ARB2A: variants seen among roughly 807,000 people sequenced by gnomAD.
ARB2A encodes cotranscriptional regulator ARB2A.
chr5:94,060,061 T>TA, the ARB2A span, among the ~76,000 whole-genome samples: 3 of 151,954 alleles, frequency 2.0e-5, no homozygotes, highest in Admixed American at 1.3e-4. Context: ...CTGCAGCCTT[T>TA]AAAAAAACAA....
chr5:93,879,731 C>T, the ARB2A span, among the ~76,000 whole-genome samples: 2 of 151,702 alleles, frequency 1.3e-5, no homozygotes, highest in African/African-American at 2.4e-5. Flanking sequence ...AATAAACTTA[C>T]GGGACAGATG....
At chr5:93,639,511 C>T in the ARB2A span, among the ~76,000 whole-genome samples, 5 of 151,772 alleles carry the variant, frequency 3.3e-5, no homozygotes, top group African/African-American at 9.7e-5. Context: ...TAAAGGATCC[C>T]GAACTTATTT....
chr5:93,832,834 G>A, the ARB2A span, among the ~76,000 whole-genome samples: 2 of 152,158 alleles, frequency 1.3e-5, no homozygotes, highest in South Asian at 2.1e-4. Context: ...CTTCCATTTC[G>A]AAATTTATTA....
the ARB2A span, among the ~76,000 whole-genome samples, chr5:93,662,276 T>C: frequency 6.6e-6 from 1 of 152,186 alleles, no homozygotes; most frequent in East Asian, 1.9e-4. Context: ...TAGGTCTCTG[T>C]TCCTTGTAGA....
At chr5:93,851,279 C>A in the ARB2A span, among the ~76,000 whole-genome samples, 6 of 151,968 alleles carry the variant, frequency 3.9e-5, no homozygotes, top group Admixed American at 2.0e-4. Context: ...AAATCATGGC[C>A]TCCTGCCTAT....
the ARB2A span, chr5:93,804,987 A>T: frequency 1.0e-6 from 1 of 983,368 alleles, no homozygotes; most frequent in Non-Finnish European, 1.2e-6. Flanking sequence ...GAGATATCAA[A>T]TTTTATTTCA....
At chr5:93,741,359 G>A in the ARB2A span, 1 of 1,611,204 alleles carries the variant, frequency 6.2e-7, no homozygotes. Context: ...AATTCGTGTG[G>A]CAGGGGACCC....
chr5:94,111,578 A>C, the ARB2A span: 1 of 152,276 alleles, frequency 6.6e-6, no homozygotes, highest in Admixed American at 6.5e-5. Flanking sequence ...CCAGTTCGCC[A>C]GTCGAACTCC....
At chr5:93,704,055 C>T in the ARB2A span, among the ~76,000 whole-genome samples, 1 of 147,896 alleles carries the variant, frequency 6.8e-6, no homozygotes, top group East Asian at 1.9e-4. Context: ...TTCAAAGTGG[C>T]ATCATACTGC....
the ARB2A span, among the ~76,000 whole-genome samples, chr5:93,897,525 T>C: frequency 2.0e-5 from 3 of 152,094 alleles, no homozygotes; most frequent in South Asian, 4.1e-4. Context: ...AAAGAGACTG[T>C]GGTCATTTGC....
At chr5:93,677,922 T>A in the ARB2A span, among the ~76,000 whole-genome samples, 1 of 152,192 alleles carries the variant, frequency 6.6e-6, no homozygotes, top group African/African-American at 2.4e-5. Context: ...TGTAGCCGAA[T>A]GTTTATGTAT....
At chr5:93,816,900 A>G in the ARB2A span, among the ~76,000 whole-genome samples, 1 of 152,176 alleles carries the variant, frequency 6.6e-6, no homozygotes, top group African/African-American at 2.4e-5. Context: ...CAAGACAAGG[A>G]TGTCCATGCT....
At chr5:93,813,876 C>T in the ARB2A span, among the ~76,000 whole-genome samples, 1 of 152,150 alleles carries the variant, frequency 6.6e-6, no homozygotes, top group Non-Finnish European at 1.5e-5. Flanking sequence ...CTTACCTTAA[C>T]TTAAGCCTAA....
chr5:93,706,464 T>A, the ARB2A span, among the ~76,000 whole-genome samples: 1 of 152,170 alleles, frequency 6.6e-6, no homozygotes. Context: ...TGTTCCAGAA[T>A]TAAACAGTGG....
chr5:93,805,365 T>C, the ARB2A span: 248 of 985,060 alleles, frequency 2.5e-4, no homozygotes, highest in Non-Finnish European at 2.8e-4. Context: ...CCAGCTATTT[T>C]ACCTTTTTCA....
At chr5:93,838,965 T>G in the ARB2A span, among the ~76,000 whole-genome samples, 1 of 152,112 alleles carries the variant, frequency 6.6e-6, no homozygotes, top group East Asian at 1.9e-4. Flanking sequence ...TGGGGTGGTA[T>G]AGAATCATGT....
the ARB2A span, among the ~76,000 whole-genome samples, chr5:93,998,012 CACACAG>C: frequency 6.6e-6 from 1 of 151,766 alleles, no homozygotes; most frequent in South Asian, 2.1e-4. Flanking sequence ...CACACACACA[CACACAG>C]AGAGAGAAAT....
the ARB2A span, among the ~76,000 whole-genome samples, chr5:94,085,273 G>C: frequency 6.6e-6 from 1 of 152,142 alleles, no homozygotes; most frequent in East Asian, 1.9e-4. Context: ...TCAAAACACA[G>C]TGTCACAAAG....
chr5:93,922,003 C>A, the ARB2A span, among the ~76,000 whole-genome samples: 1 of 152,172 alleles, frequency 6.6e-6, no homozygotes, highest in Admixed American at 6.5e-5. Context: ...AATTCAGTCT[C>A]TAGATAGGGG....
Sources: gnomAD v4.1 joint callset for allele counts (sites outside exome capture counted in the v4.1 genomes callset) on GRCh38, gnomAD v4.1.1 for gene constraint, MANE v1.5 for transcripts, NCBI Gene and HGNC (gene_info 2026-07-23, HGNC 2026-07-21) for gene names.